The following SPIC variants were observed in gnomAD, a reference collection of about 807,000 sequenced individuals.
The protein encoded by SPIC is transcription factor Spi-C.
SPIC carries 9 observed loss-of-function variants against 16.7 expected under a neutral mutation model. The ratio of observed to expected loss-of-function variants is 0.54; its 90% CI spans 0.33 to 0.94. The LOEUF (loss-of-function observed/expected upper bound fraction) is 0.94, where lower values mean the gene tolerates loss of function less well. Ranked by LOEUF, SPIC falls within the 40% of genes least tolerant of loss-of-function variation. SPIC has a pLI of 0.03. For missense variants in SPIC, 241 were observed against 285.8 expected (o/e 0.84, Z 1.13); for synonymous variants, 97 against 102.9 (o/e 0.94, Z 0.35).
intron 4 of SPIC, among the ~76,000 whole-genome samples, chr12:101,481,194 C>CTT (rs34552801): frequency 4.4e-4 from 65 of 149,342 alleles, no homozygotes; most frequent in Non-Finnish European, 5.9e-4. Flanking sequence ...TGGCTGTCAT[C>CTT]TTTTTTTTTT....
At position 101,480,725 on chromosome 12, in the gene SPIC, G is replaced by A. The variant is rs146515305; in HGVS notation, c.210+1031G>A. Among the ~76,000 whole-genome samples, 551 of 152,170 alleles carry A rather than the reference G, an allele frequency of 3.6e-3. 8 individuals are homozygous for A. Among genetic ancestry groups the A allele is most frequent in the East Asian group, 0.024 (124 of 5,166 alleles). On this transcript the variant is annotated intron_variant, in intron 4 of 5. Coordinates refer to ENST00000551346, the MANE Select transcript of SPIC (RefSeq NM_152323.3). ...CTTTGGGCTGGGCTCAGTGGCTCACGCCTGTAATCCCAAAGTTTTGGGAGG... is the reference window on the plus strand; with the variant it reads ...CTTTGGGCTGGGCTCAGTGGCTCACACCTGTAATCCCAAAGTTTTGGGAGG...
In SPIC at chr12:101,482,793, A is replaced by G. The variant is rs150293340; in HGVS notation, c.212A>G (p.Asn71Ser). Reference sequence around the variant, plus strand: ...CATCCTGCTTCATTATTTATATAGAACAGTGCTGCGGACTTCTATTTTGAA... The same window carrying G: ...CATCCTGCTTCATTATTTATATAGAGCAGTGCTGCGGACTTCTATTTTGAA... ...EPVYNWRTVI[N>S]SAADFYFEGN... The change falls in exon 5 of 6, where the codon AAC becomes AGC. Residue 71 changes from asparagine (N) to serine (S), a missense_variant and splice_region_variant. Transcript: ENST00000551346. The G allele has an allele frequency of 6.2e-7, 1 of 1,612,192 alleles. No individual in the cohort carries two copies. Among genetic ancestry groups the G allele is most frequent in the Non-Finnish European group, 8.5e-7 (1 of 1,179,310 alleles).
intron 4 of SPIC, among the ~76,000 whole-genome samples, chr12:101,480,798 G>A (rs886586686): frequency 1.3e-5 from 2 of 152,060 alleles, no homozygotes; most frequent in African/African-American, 4.8e-5. Flanking sequence ...ACCAACCTGG[G>A]CAACAGAGCA....
intron 5 of SPIC, among the ~76,000 whole-genome samples, chr12:101,484,084 TCAAAC>T (rs1223087905): frequency 2.0e-5 from 3 of 150,230 alleles, no homozygotes; most frequent in Admixed American, 1.3e-4. Flanking sequence ...GGTAAAAGAC[TCAAAC>T]CAAAGTACAA....
intron 5 of SPIC, among the ~76,000 whole-genome samples, chr12:101,484,013 A>AT (rs561602923): frequency 1.6e-3 from 249 of 151,240 alleles, no homozygotes; most frequent in African/African-American, 5.7e-3. Context: ...TTATTTTTTA[A>AT]TTTTTTTGAA....
chr12:101,477,725 A>G (rs1873000118), intron 3 of SPIC, 74 bp downstream of exon 3: 4 of 1,313,252 alleles, frequency 3.0e-6, no homozygotes, highest in African/African-American at 2.9e-5. Context: ...TATAAGAATA[A>G]TGATCAGCTG....
intron 4 of SPIC, 27 bp downstream of exon 4, chr12:101,479,721 CAG>C (rs1280073792): frequency 2.0e-6 from 3 of 1,526,832 alleles, no homozygotes; most frequent in Non-Finnish European, 2.7e-6. Context: ...CCCTTAATAA[CAG>C]GCAAATATCC....
rs1873009367 is a variant in SPIC, at chr12:101,477,928, T to C, written c.97+277T>C. Among the ~76,000 whole-genome samples, 3 of 152,290 alleles carry C rather than the reference T, an allele frequency of 2.0e-5. No individual in the cohort carries two copies. In the South Asian group the frequency reaches 6.2e-4, roughly 32 times the overall value. Reference sequence around the variant, plus strand: ...TACTCTGGGGGCTGAGGCTTAAGAATTGCTGAACCTGAGAGGCAGAAGCTT... The same window carrying C: ...TACTCTGGGGGCTGAGGCTTAAGAACTGCTGAACCTGAGAGGCAGAAGCTT... On this transcript the variant is annotated intron_variant, in intron 3 of 5. Coordinates refer to ENST00000551346, the MANE Select transcript of SPIC (RefSeq NM_152323.3).
At chr12:101,484,903 T>G (rs551609445) in intron 5 of SPIC, among the ~76,000 whole-genome samples, 9 of 151,710 alleles carry the variant, frequency 5.9e-5, no homozygotes, top group Non-Finnish European at 1.3e-4. Flanking sequence ...AAAATAAAAT[T>G]TAAACATAAA....
rs372904963 is a variant in SPIC, at chr12:101,482,918, T to A, written c.319+18T>A. On this transcript the variant is annotated intron_variant, in intron 5 of 5. Transcript: ENST00000551346. Reference sequence around the variant, plus strand: ...GGGAAAAGGTACGTTGATCCATCATTCGTTATACAGGTAAAAGAACCAGAT... The same window carrying A: ...GGGAAAAGGTACGTTGATCCATCATACGTTATACAGGTAAAAGAACCAGAT... The A allele has an allele frequency of 5.1e-4, 810 of 1,600,624 alleles. No individual in the cohort carries two copies. Among genetic ancestry groups the A allele is most frequent in the Non-Finnish European group, 6.8e-4 (789 of 1,168,836 alleles).
intron 3 of SPIC, among the ~76,000 whole-genome samples, 166 bp from the exon 4 acceptor site, chr12:101,479,416 T>A (rs1873117419): frequency 6.6e-6 from 1 of 152,106 alleles, no homozygotes; most frequent in South Asian, 2.1e-4. Context: ...TATAACAGTA[T>A]CCATAATAGC....
intron 4 of SPIC, among the ~76,000 whole-genome samples, chr12:101,482,321 TG>T: frequency 6.6e-6 from 1 of 151,438 alleles, no homozygotes; most frequent in African/African-American, 2.4e-5. Context: ...TCCCCTGCCT[TG>T]GCTTCCCAAA....
chr12:101,479,256 AG>A lies in SPIC; in HGVS notation c.98-324del, dbSNP rs1873088516. On this transcript the variant is annotated intron_variant, in intron 3 of 5. Coordinates refer to ENST00000551346, the MANE Select transcript of SPIC (RefSeq NM_152323.3). ...AGAAAGAAAGAAAAAGAAAGAAAGA[AG>A]GAAGGAAAGAAAGAAAGAAAGAAAG... Among the ~76,000 whole-genome samples, 36 of 95,786 alleles carry A rather than the reference AG, an allele frequency of 3.8e-4. 3 individuals carry two copies. The highest frequency in any genetic ancestry group is 8.7e-4 in the African/African-American group (17 of 19,608). The allele number at this position is 95,786 out of a possible 152,430, so 62.8% of individuals were successfully genotyped here. A position where few individuals can be genotyped will look rare whatever the true frequency, so the allele number is the denominator to read the frequency against.
chr12:101,479,089 A>G (rs757507135), intron 3 of SPIC, among the ~76,000 whole-genome samples: 3 of 150,944 alleles, frequency 2.0e-5, no homozygotes, highest in Non-Finnish European at 4.4e-5. Context: ...GTGAACCGAA[A>G]TAACGTGGCC....
Position 101,479,597 on chromosome 12 carries a change from T to C in SPIC, c.113T>C (p.Leu38Pro). 6.2e-7 allele frequency: 1 copy of C among 1,612,376 alleles called. No individual in the cohort carries two copies. Among genetic ancestry groups the C allele is most frequent in the Non-Finnish European group, 8.5e-7 (1 of 1,179,258 alleles). ...TTAAAATTAGATTACAGAAATTACC[T>C]GGCTTTAATCAACCATCGTCCTCAT... ...LQYSPDYRNY[L>P]ALINHRPHVK... The change falls in exon 4 of 6, where the codon CTG becomes CCG. Residue 38 changes from leucine to proline, a missense_variant. Coordinates refer to ENST00000551346, the MANE Select transcript of SPIC (RefSeq NM_152323.3).
rs1565831252 is a variant in SPIC, at chr12:101,479,270, GAA to G, written c.98-310_98-309del. ...AGAAAGAAAGAAGGAAGGAAAGAAA[GAA>G]AGAAAGAAAGAAAAAGAAAGAAAGA... On this transcript the variant is annotated intron_variant, in intron 3 of 5. Coordinates refer to ENST00000551346, the MANE Select transcript of SPIC (RefSeq NM_152323.3). 2.2e-5 allele frequency among the ~76,000 whole-genome samples: 2 copies of G among 93,016 alleles called. 1 individual carries two copies. The allele number at this position is 93,016 out of a possible 152,430, so 61.0% of individuals were successfully genotyped here. A position where few individuals can be genotyped will look rare whatever the true frequency, so the allele number is the denominator to read the frequency against.
chr12:101,482,829 A>C lies in SPIC; in HGVS notation c.248A>C (p.His83Pro). 1 of 1,614,036 alleles carries C rather than the reference A, an allele frequency of 6.2e-7. No individual in the cohort carries two copies. Among genetic ancestry groups the C allele is most frequent in the South Asian group, 1.1e-5 (1 of 91,064 alleles). The part of the protein sequence containing the change: ...AADFYFEGNI[H>P]QSLQNITENQ... Reference sequence around the variant, plus strand: ...GACTTCTATTTTGAAGGAAATATTCATCAATCTCTGCAGAACATAACTGAA... The same window carrying C: ...GACTTCTATTTTGAAGGAAATATTCCTCAATCTCTGCAGAACATAACTGAA... The change falls in exon 5 of 6, where the codon CAT (histidine) becomes CCT (proline). Residue 83 changes from histidine to proline, a missense_variant. His to Pro is a moderately conservative substitution (Grantham distance 77, BLOSUM62 -2). Transcript: ENST00000551346.
intron 3 of SPIC, among the ~76,000 whole-genome samples, chr12:101,479,215 AG>A (rs1873072898): frequency 1.7e-5 from 2 of 120,924 alleles, no homozygotes; most frequent in South Asian, 3.2e-4. Flanking sequence ...AAAGAAAGAA[AG>A]AAAGAAGGAA....
At chr12:101,479,272 AAG>A (rs1491166244) in intron 3 of SPIC, among the ~76,000 whole-genome samples, 4 of 93,312 alleles carry the variant, frequency 4.3e-5, no homozygotes, top group East Asian at 2.4e-4. Flanking sequence ...GAAAGAAAGA[AAG>A]AAAGAAAGAA....
Sources: gnomAD v4.1 joint callset for allele counts (sites outside exome capture counted in the v4.1 genomes callset) on GRCh38, gnomAD v4.1.1 for gene constraint, MANE v1.5 for transcripts, NCBI Gene and HGNC (gene_info 2026-07-23, HGNC 2026-07-21) for gene names.